GPC5: variants seen among roughly 807,000 people sequenced by gnomAD.
The protein encoded by GPC5 is glypican 5.
GPC5 carries 47 observed loss-of-function variants against 53.9 expected under a neutral mutation model. The ratio of observed to expected loss-of-function variants is 0.87; its 90% CI spans 0.69 to 1.11. The LOEUF (loss-of-function observed/expected upper bound fraction) is 1.11, where lower values mean the gene tolerates loss of function less well. Ranked by LOEUF, GPC5 falls within the 50% of genes most tolerant of loss-of-function variation. The pLI is 0.00. For synonymous variants in GPC5, 286 were observed against 263.3 expected, an observed-to-expected ratio of 1.09 and a Z score of -0.84; for missense variants, 748 against 713.1, an observed-to-expected ratio of 1.05 and a Z score of -0.56.
intron 5 of GPC5, among the ~76,000 whole-genome samples, chr13:91,801,221 G>A (rs1014090170): frequency 1.3e-5 from 2 of 150,784 alleles, no homozygotes; most frequent in Non-Finnish European, 3.0e-5. Flanking sequence ...ACCAGATGTT[G>A]AGCAGAACTA....
intron 7 of GPC5, among the ~76,000 whole-genome samples, chr13:92,598,316 A>T (rs1883940770): frequency 6.6e-6 from 1 of 152,194 alleles, no homozygotes; most frequent in Non-Finnish European, 1.5e-5. Flanking sequence ...GGACTGTAGC[A>T]GAATATGTTT....
intron 7 of GPC5, among the ~76,000 whole-genome samples, chr13:92,559,086 A>G (rs727986): frequency 0.29 from 44,139 of 151,712 alleles, 6,925 homozygotes; most frequent in African/African-American, 0.41. Context: ...ACCAATGCCC[A>G]CCCTTGGTGC....
At chr13:91,780,380 C>T (rs1005994800) in intron 5 of GPC5, among the ~76,000 whole-genome samples, 9 of 152,074 alleles carry the variant, frequency 5.9e-5, no homozygotes, top group Non-Finnish European at 1.2e-4. Context: ...CAAAGAATTG[C>T]CCCAGATTCC....
intron 7 of GPC5, among the ~76,000 whole-genome samples, chr13:92,210,792 T>C (rs1486810758): frequency 6.6e-6 from 1 of 152,220 alleles, no homozygotes; most frequent in African/African-American, 2.4e-5. Context: ...CTCTTGACTA[T>C]AGTAAGTCTG....
At position 91,618,654 on chromosome 13, in the gene GPC5, ATT is replaced by A. The variant is rs5805709; in HGVS notation, c.326-74523_326-74522del. On this transcript the variant is annotated intron_variant, in intron 2 of 7. Transcript: ENST00000377067. ...TTGATTACGCATTTTAATAACACAT[ATT>A]TTTTTTTTTATCAGCTCACAGTATT... 5.8e-3 allele frequency among the ~76,000 whole-genome samples: 867 copies of A among 150,096 alleles called. 10 individuals carry two copies. The highest frequency in any genetic ancestry group is 0.02 in the African/African-American group (803 of 40,570).
At chr13:92,436,378 C>G (rs1877305605) in intron 7 of GPC5, among the ~76,000 whole-genome samples, 1 of 152,110 alleles carries the variant, frequency 6.6e-6, no homozygotes, top group African/African-American at 2.4e-5. Context: ...AGAAAAGTGC[C>G]TTTCTCTCAT....
At chr13:92,107,400 T>TTATA (rs1297508193) in intron 6 of GPC5, among the ~76,000 whole-genome samples, 1 of 152,036 alleles carries the variant, frequency 6.6e-6, no homozygotes, top group Non-Finnish European at 1.5e-5. Flanking sequence ...TATGCCTAGG[T>TTATA]TATAATATTA....
At chr13:91,457,972 T>C (rs1881673695) in intron 2 of GPC5, among the ~76,000 whole-genome samples, 1 of 152,052 alleles carries the variant, frequency 6.6e-6, no homozygotes, top group Non-Finnish European at 1.5e-5. Flanking sequence ...AGATAGAAAA[T>C]AAACAAACAT....
chr13:92,350,153 G>T (rs1036289890), intron 7 of GPC5, among the ~76,000 whole-genome samples: 1 of 152,084 alleles, frequency 6.6e-6, no homozygotes, highest in Non-Finnish European at 1.5e-5. Flanking sequence ...CTTATTAGAT[G>T]CAGAAAAAAG....
At chr13:92,655,395 C>T (rs1319303337) in intron 7 of GPC5, among the ~76,000 whole-genome samples, 2 of 151,876 alleles carry the variant, frequency 1.3e-5, no homozygotes, top group East Asian at 1.9e-4. Flanking sequence ...CATGCAATGG[C>T]ACAATCTCGA....
chr13:91,765,821 A>T (rs1185336594), intron 5 of GPC5, among the ~76,000 whole-genome samples: 1 of 152,216 alleles, frequency 6.6e-6, no homozygotes, highest in Non-Finnish European at 1.5e-5. Context: ...TATGGATGAG[A>T]TGAGATAATG....
intron 7 of GPC5, among the ~76,000 whole-genome samples, chr13:92,664,277 G>A (rs1417300076): frequency 6.6e-6 from 1 of 151,820 alleles, no homozygotes. Flanking sequence ...AAAGAAATTG[G>A]TGGTAGTTGG....
chr13:91,469,178 G>A (rs892887344), intron 2 of GPC5, among the ~76,000 whole-genome samples: 2 of 150,736 alleles, frequency 1.3e-5, no homozygotes, highest in Non-Finnish European at 3.0e-5. Context: ...GCATGATCTC[G>A]GCTCACTGCA....
chr13:92,387,357 C>T (rs753149538), intron 7 of GPC5, among the ~76,000 whole-genome samples: 3 of 151,994 alleles, frequency 2.0e-5, no homozygotes, highest in African/African-American at 7.2e-5. Context: ...TGCGTAGGTT[C>T]GACATAATTA....
At chr13:92,550,521 A>G (rs531795768) in intron 7 of GPC5, among the ~76,000 whole-genome samples, 1 of 151,892 alleles carries the variant, frequency 6.6e-6, no homozygotes, top group Non-Finnish European at 1.5e-5. Context: ...TTGATTTTCA[A>G]TCAGGATCCA....
intron 6 of GPC5, among the ~76,000 whole-genome samples, chr13:91,959,567 C>T (rs1450765683): frequency 2.0e-5 from 3 of 151,868 alleles, no homozygotes; most frequent in Admixed American, 2.0e-4. Context: ...AGCCTGATAC[C>T]AAAACCAGCT....
At chr13:92,199,830 A>G (rs117356131) in intron 7 of GPC5, among the ~76,000 whole-genome samples, 1,938 of 152,278 alleles carry the variant, frequency 0.013, 15 homozygotes, top group Non-Finnish European at 0.019. Context: ...TTTTTTTTAA[A>G]AAAAGCCACA....
intron 7 of GPC5, among the ~76,000 whole-genome samples, chr13:92,708,825 G>T (rs1321206365): frequency 7.8e-6 from 1 of 128,704 alleles, no homozygotes; most frequent in African/African-American, 3.0e-5. Flanking sequence ...TGATTTACAT[G>T]TGCCTACTAG....
chr13:92,728,068 CAAT>C (rs1888692517), intron 7 of GPC5, among the ~76,000 whole-genome samples: 1 of 151,416 alleles, frequency 6.6e-6, no homozygotes, highest in African/African-American at 2.4e-5. Context: ...TGTAGAACTA[CAAT>C]GTTTCTAAGA....
Sources: allele counts gnomAD v4.1 joint callset (sites outside exome capture counted in the v4.1 genomes callset), GRCh38; gene constraint gnomAD v4.1.1; transcripts MANE v1.5; gene names NCBI Gene and HGNC (gene_info 2026-07-23, HGNC 2026-07-21).